The following ERC2 variants were observed in gnomAD, a reference collection of about 807,000 sequenced individuals.
The protein encoded by ERC2 is ELKS/RAB6-interacting/CAST family member 2.
In ERC2, 42 loss-of-function variants were observed where a neutral mutation model predicts 114.8. The observed-to-expected ratio is 0.37, with a 90% confidence interval of 0.29 to 0.47. ERC2 has a LOEUF of 0.47. ERC2 is among the 20% of genes least tolerant of loss of function. The probability of loss-of-function intolerance (pLI) is 0.99; values close to 1 mark genes in which losing one functional copy is unlikely to be tolerated. For synonymous variants in ERC2, 454 were observed against 425.5 expected, an observed-to-expected ratio of 1.07 and a Z score of -0.82; for missense variants, 939 against 1,150.7, an observed-to-expected ratio of 0.82 and a Z score of 2.66.
At chr3:55,729,027 T>C (rs1232536075) in intron 15 of ERC2, among the ~76,000 whole-genome samples, 1 of 152,110 alleles carries the variant, frequency 6.6e-6, no homozygotes, top group African/African-American at 2.4e-5. Flanking sequence ...GTGAGCTCAC[T>C]AGGGTAGCCT....
At chr3:55,733,254 CCAAA>C (rs374542478) in intron 15 of ERC2, among the ~76,000 whole-genome samples, 2 of 152,032 alleles carry the variant, frequency 1.3e-5, no homozygotes, top group African/African-American at 4.8e-5. Flanking sequence ...ATGCACAGCT[CCAAA>C]CAAAGAGGTC....
intron 14 of ERC2, among the ~76,000 whole-genome samples, chr3:55,804,016 T>C (rs2059399150): frequency 6.6e-6 from 1 of 152,208 alleles, no homozygotes; most frequent in African/African-American, 2.4e-5. Context: ...CTGGAAGTTA[T>C]ACAAGATTCA....
intron 1 of ERC2, among the ~76,000 whole-genome samples, chr3:56,458,570 C>T (rs893662941): frequency 6.6e-6 from 1 of 152,130 alleles, no homozygotes; most frequent in Admixed American, 6.5e-5. Flanking sequence ...GCCTGATGAA[C>T]AGCAGCCACT....
intron 6 of ERC2, among the ~76,000 whole-genome samples, chr3:56,104,022 G>T (rs544900217): frequency 6.6e-6 from 1 of 152,276 alleles, no homozygotes; most frequent in African/African-American, 2.4e-5. Flanking sequence ...TATTTGTCAG[G>T]TGAATGAATT....
At chr3:55,650,733 C>T (rs2060583236) in intron 17 of ERC2, among the ~76,000 whole-genome samples, 1 of 152,182 alleles carries the variant, frequency 6.6e-6, no homozygotes, top group Non-Finnish European at 1.5e-5. Context: ...AGCCTGCTTA[C>T]CCCTTCAAAG....
At chr3:55,588,362 A>T (rs1386528526) in intron 17 of ERC2, among the ~76,000 whole-genome samples, 1 of 151,964 alleles carries the variant, frequency 6.6e-6, no homozygotes, top group Non-Finnish European at 1.5e-5. Context: ...CATTTGGAGC[A>T]TTTTTCCAAG....
intron 14 of ERC2, among the ~76,000 whole-genome samples, chr3:55,869,828 T>C (rs2062496332): frequency 6.6e-6 from 1 of 152,018 alleles, no homozygotes; most frequent in Admixed American, 6.5e-5. Context: ...AGAGAAAGAA[T>C]GCACAATATC....
chr3:55,632,125 C>G (rs2059780107), intron 17 of ERC2, among the ~76,000 whole-genome samples: 1 of 152,222 alleles, frequency 6.6e-6, no homozygotes, highest in African/African-American at 2.4e-5. Context: ...TCCCACTGGG[C>G]AGATGAGCTG....
intron 14 of ERC2, among the ~76,000 whole-genome samples, chr3:55,809,441 A>G (rs910570808): frequency 2.0e-5 from 3 of 152,204 alleles, no homozygotes; most frequent in African/African-American, 7.2e-5. Flanking sequence ...AACAGAGCGA[A>G]GAGACAACCT....
chr3:56,306,266 C>A (rs1222124924), intron 2 of ERC2, among the ~76,000 whole-genome samples: 2 of 152,112 alleles, frequency 1.3e-5, no homozygotes, highest in Admixed American at 6.5e-5. Context: ...AGTCTGCTGG[C>A]CCCTGCCCTA....
At chr3:56,097,983 T>C (rs2078155264) in intron 6 of ERC2, among the ~76,000 whole-genome samples, 1 of 152,182 alleles carries the variant, frequency 6.6e-6, no homozygotes, top group Non-Finnish European at 1.5e-5. Context: ...CCCCTAGCTT[T>C]AACAATTACC....
intron 2 of ERC2, among the ~76,000 whole-genome samples, chr3:56,388,188 C>T (rs751418074): frequency 6.6e-6 from 1 of 152,110 alleles, no homozygotes; most frequent in Non-Finnish European, 1.5e-5. Flanking sequence ...AAGCTCACAT[C>T]AAAATGTATT....
chr3:56,138,031 C>T (rs1248740282), intron 6 of ERC2, among the ~76,000 whole-genome samples: 1 of 148,288 alleles, frequency 6.7e-6, no homozygotes. Flanking sequence ...TGGAACTATA[C>T]ACAACTGAAA....
intron 14 of ERC2, among the ~76,000 whole-genome samples, chr3:55,768,513 G>A (rs970090230): frequency 6.6e-6 from 1 of 152,200 alleles, no homozygotes; most frequent in African/African-American, 2.4e-5. Context: ...TGAAACTTCA[G>A]ATAAAGACAA....
chr3:55,950,506 C>T lies in ERC2; in HGVS notation c.2322G>A (p.Leu774=). ...KVANLKHNQQ[L]EKKKNAQLLE... Reference sequence around the variant, plus strand: ...GTAACTGAGCATTTTTCTTCTTTTCCAACTGTTGATTGTGCTTGAGGTTGG... The same window carrying T: ...GTAACTGAGCATTTTTCTTCTTTTCTAACTGTTGATTGTGCTTGAGGTTGG... The change falls in exon 13 of 18, where the codon TTG becomes TTA. Residue 774 remains leucine (L), a synonymous_variant. Transcript: ENST00000288221. 4.3e-6 allele frequency: 7 copies of T among 1,613,984 alleles called. No homozygotes were observed. The highest frequency in any genetic ancestry group is 5.9e-6 in the Non-Finnish European group (7 of 1,179,876).
intron 3 of ERC2, among the ~76,000 whole-genome samples, chr3:56,275,402 A>C (rs2053925492): frequency 6.6e-6 from 1 of 152,186 alleles, no homozygotes; most frequent in African/African-American, 2.4e-5. Flanking sequence ...TTGTTGCTTC[A>C]GCTCAATCCA....
intron 2 of ERC2, among the ~76,000 whole-genome samples, chr3:56,354,939 T>C (rs1351888546): frequency 6.6e-6 from 1 of 152,180 alleles, no homozygotes; most frequent in African/African-American, 2.4e-5. Context: ...AAATCTCTGG[T>C]TTAGAAAAAT....
chr3:55,622,032 G>A (rs1015697231), intron 17 of ERC2, among the ~76,000 whole-genome samples: 1 of 152,120 alleles, frequency 6.6e-6, no homozygotes, highest in African/African-American at 2.4e-5. Flanking sequence ...AACCTAACTG[G>A]ACATAGTTGG....
chr3:56,173,534 C>T lies in ERC2; in HGVS notation c.1075-14G>A, dbSNP rs548509039. On this transcript the variant is annotated splice_polypyrimidine_tract_variant and intron_variant, in intron 3 of 17. Coordinates refer to ENST00000288221, the MANE Select transcript of ERC2 (RefSeq NM_015576.3). Reference sequence around the variant, plus strand: ...TCGGTGCAATTCCTGGGGAGGAACACGATAGAAATAAGCCTGACGGTTCAT... The same window carrying T: ...TCGGTGCAATTCCTGGGGAGGAACATGATAGAAATAAGCCTGACGGTTCAT... The T allele has an allele frequency of 1.4e-5, 23 of 1,613,152 alleles. 1 individual carries two copies. The South Asian group carries it at 1.8e-4, about 12-fold the overall frequency.
Sources: gnomAD v4.1 joint callset for allele counts (sites outside exome capture counted in the v4.1 genomes callset) on GRCh38, gnomAD v4.1.1 for gene constraint, MANE v1.5 for transcripts, NCBI Gene and HGNC (gene_info 2026-07-23, HGNC 2026-07-21) for gene names.